Variants in SYT9 observed in about 807,000 individuals in gnomAD.
SYT9 encodes the protein synaptotagmin-9.
SYT9 carries 22 observed loss-of-function variants against 48.4 expected under a neutral mutation model. The observed-to-expected ratio is 0.45, with a 90% CI of 0.32 to 0.65. SYT9 has a LOEUF of 0.65. Among genes scored for constraint, SYT9 ranks in the 30% least tolerant of loss-of-function variants. The probability of loss-of-function intolerance (pLI) is 0.03; values close to 1 mark genes in which losing one functional copy is unlikely to be tolerated. For missense variants in SYT9, 577 were observed against 622.0 expected, an observed-to-expected ratio of 0.93 and a Z score of 0.77; for synonymous variants, 265 against 245.0, an observed-to-expected ratio of 1.08 and a Z score of -0.76.
intron 2 of SYT9, among the ~76,000 whole-genome samples, chr11:7,307,719 G>A (rs567163758): frequency 6.6e-6 from 1 of 152,334 alleles, no homozygotes; most frequent in African/African-American, 2.4e-5. Flanking sequence ...AAGATTGGAT[G>A]TATACAGGGG....
chr11:7,327,830 C>G (rs1242478084), intron 3 of SYT9, among the ~76,000 whole-genome samples: 2 of 56,976 alleles, frequency 3.5e-5, no homozygotes, highest in African/African-American at 1.4e-4. Context: ...GAACAAAAAA[C>G]CAAACACCGC....
Position 7,417,996 on chromosome 11 carries a change from G to A in SYT9, c.1205G>A (p.Arg402Gln), listed in dbSNP as rs267603187. ...GTCTCGCTGATGTGTGATGGCAGAC[G>A]ACTGAAGAAGAGGAAAACATCCACC... ...VKVSLMCDGR[R>Q]LKKRKTSTKR... is the part of the protein sequence containing the mutation. The change falls in exon 5 of 7, where the codon CGA (arginine) becomes CAA (glutamine). Residue 402 changes from arginine (R) to glutamine (Q), a missense_variant. Coordinates refer to ENST00000318881, the MANE Select transcript of SYT9 (RefSeq NM_175733.4). 11 of 1,613,928 alleles carry A rather than the reference G, an allele frequency of 6.8e-6. No individual in the cohort carries two copies. The highest frequency in any genetic ancestry group is 9.3e-6 in the Non-Finnish European group (11 of 1,179,998).
At chr11:7,269,892 C>G (rs1002331470) in intron 1 of SYT9, among the ~76,000 whole-genome samples, 1 of 151,998 alleles carries the variant, frequency 6.6e-6, no homozygotes, top group Non-Finnish European at 1.5e-5. Context: ...GTAGGTGAAG[C>G]CTTCCTTAGC....
intron 3 of SYT9, among the ~76,000 whole-genome samples, chr11:7,383,253 T>C (rs891086687): frequency 6.6e-6 from 1 of 152,164 alleles, no homozygotes; most frequent in Non-Finnish European, 1.5e-5. Context: ...AAATAAATGG[T>C]TTCTTGCTGT....
chr11:7,258,253 A>T (rs61367644), intron 1 of SYT9, among the ~76,000 whole-genome samples: 1 of 152,190 alleles, frequency 6.6e-6, no homozygotes, highest in African/African-American at 2.4e-5. Flanking sequence ...AGAGGCATAA[A>T]TGGGGGAGCA....
At chr11:7,293,990 A>C (rs982787) in intron 1 of SYT9, among the ~76,000 whole-genome samples, 143,492 of 152,266 alleles carry the variant, frequency 0.94, 67,946 homozygotes, top group Non-Finnish European at 0.99. Context: ...AACAGAATGC[A>C]ATGGACTAGA....
rs1043103226 is a variant in SYT9 at position 7,251,951 on chromosome 11, G to C, written c.-236G>C. Reference sequence around the variant, plus strand: ...CTCTCCTCGGTGTCTGGGGAGGGACGGAGGGACCGGGCGGGAGAGAGAGAA... The same window carrying C: ...CTCTCCTCGGTGTCTGGGGAGGGACCGAGGGACCGGGCGGGAGAGAGAGAA... On this transcript the variant is annotated 5_prime_UTR_variant, in exon 1 of 7. Transcript: ENST00000318881. The C allele has an allele frequency of 2.4e-6, 1 of 424,538 alleles. No individual in the cohort carries two copies. The highest frequency in any genetic ancestry group is 4.1e-6 in the Non-Finnish European group (1 of 242,068). 26.3% of individuals were successfully genotyped at this position (424,538 alleles called of 1,614,324 possible).
At chr11:7,463,376 A>G (rs1486521932) in intron 6 of SYT9, among the ~76,000 whole-genome samples, 5 of 152,204 alleles carry the variant, frequency 3.3e-5, no homozygotes, top group African/African-American at 1.2e-4. Context: ...GTTTTATACA[A>G]TTTTTGGCTG....
chr11:7,276,429 T>C (rs73409540), intron 1 of SYT9, among the ~76,000 whole-genome samples: 2,084 of 152,294 alleles, frequency 0.014, 51 homozygotes, highest in African/African-American at 0.048. Context: ...GCTGTTTTCC[T>C]ATGTGAAACT....
intron 3 of SYT9, among the ~76,000 whole-genome samples, chr11:7,396,983 C>T (rs2134068840): frequency 6.6e-6 from 1 of 152,162 alleles, no homozygotes; most frequent in Middle Eastern, 3.4e-3. Flanking sequence ...TTTTGAAGAG[C>T]AAAAGTTTTT....
chr11:7,267,336 T>G (rs1163345527), intron 1 of SYT9, among the ~76,000 whole-genome samples: 6 of 151,804 alleles, frequency 4.0e-5, no homozygotes, highest in African/African-American at 7.2e-5. Flanking sequence ...AAAAAATTAA[T>G]CAGCACATGA....
At chr11:7,274,317 CTT>C (rs576480483) in intron 1 of SYT9, among the ~76,000 whole-genome samples, 15,318 of 124,764 alleles carry the variant, frequency 0.12, 716 homozygotes, top group East Asian at 0.24. Flanking sequence ...TGAAGTTCAT[CTT>C]TTTTTTTTTT....
chr11:7,438,141 G>A (rs1481859813), intron 6 of SYT9: 2 of 152,176 alleles, frequency 1.3e-5, no homozygotes, highest in Admixed American at 6.5e-5. Context: ...ATAGATGGGA[G>A]AGTTGTCAGC....
chr11:7,252,480 C>T lies in SYT9; in HGVS notation c.145+149C>T. 1 of 900,720 alleles carries T rather than the reference C, an allele frequency of 1.1e-6. No individual in the cohort carries two copies. Among genetic ancestry groups the T allele is most frequent in the South Asian group, 3.1e-5 (1 of 32,078 alleles). 55.8% of individuals were successfully genotyped at this position (900,720 alleles called of 1,614,324 possible). A position where few individuals can be genotyped will look rare whatever the true frequency, so the allele number is the denominator to read the frequency against. On this transcript the variant is annotated intron_variant, in intron 1 of 6. Transcript: ENST00000318881. This position sits in a 1 kb window ranked among gnomAD's most constrained non-coding sequence, Gnocchi z 6.3. The stretch of plus-strand genomic sequence containing the variant: ...AGGAGAGTGATCAAGAACCAGCGCA[C>T]TGTGGCCTGATGCTGTAACCAGGCG...
intron 1 of SYT9, among the ~76,000 whole-genome samples, chr11:7,264,744 G>A (rs1848144883): frequency 6.6e-6 from 1 of 152,096 alleles, no homozygotes; most frequent in Non-Finnish European, 1.5e-5. Context: ...AATGATTGAA[G>A]ACAGGAGCTC....
chr11:7,392,681 A>C (rs953195527), intron 3 of SYT9, among the ~76,000 whole-genome samples: 2 of 152,144 alleles, frequency 1.3e-5, no homozygotes, highest in Non-Finnish European at 2.9e-5. Flanking sequence ...CTGAATCTAT[A>C]GATTGCTTTG....
upstream of SYT9, among the ~76,000 whole-genome samples, chr11:7,247,632 T>TGTATATATACGTAC (rs1847810641): frequency 1.4e-5 from 2 of 146,658 alleles, no homozygotes; most frequent in Non-Finnish European, 3.0e-5. Context: ...TATATACGTG[T>TGTATATATACGTAC]ATATATACGT....
chr11:7,418,153 A>T (rs767559139), intron 5 of SYT9, 25 bp downstream of exon 5: 2 of 1,609,412 alleles, frequency 1.2e-6, no homozygotes, highest in South Asian at 2.2e-5. Context: ...ACTCTTTTCC[A>T]GTGCAAGTTC....
At chr11:7,412,772 C>A (rs1051418426) in intron 3 of SYT9, among the ~76,000 whole-genome samples, 10 of 152,192 alleles carry the variant, frequency 6.6e-5, no homozygotes, top group African/African-American at 2.4e-4. Context: ...GGGCCACTCA[C>A]TGAAATCCAA....
Sources: allele counts gnomAD v4.1 joint callset (sites outside exome capture counted in the v4.1 genomes callset), GRCh38; gene constraint gnomAD v4.1.1; non-coding constraint Gnocchi (gnomAD v3.1); transcripts MANE v1.5; gene names NCBI Gene and HGNC (gene_info 2026-07-23, HGNC 2026-07-21).